Variants in ALPL observed in about 807,000 individuals in gnomAD.
The protein encoded by ALPL is alkaline phosphatase, tissue-nonspecific isozyme.
In ALPL, 42 loss-of-function variants were observed where a neutral mutation model predicts 51.3. That is an observed-to-expected ratio of 0.82 (90% CI 0.64 to 1.06). ALPL has a LOEUF of 1.06. ALPL is among the 50% of genes least tolerant of loss of function. The probability of loss-of-function intolerance (pLI) is 0.00; values close to 1 mark genes in which losing one functional copy is unlikely to be tolerated. For missense variants in ALPL, 589 were observed against 709.4 expected (o/e 0.83, Z 1.93); for synonymous variants, 279 against 296.4 (o/e 0.94, Z 0.60).
chr1:21,575,285 G>A (rs1644711302), intron 9 of ALPL, among the ~76,000 whole-genome samples: 1 of 136,388 alleles, frequency 7.3e-6, no homozygotes, highest in Non-Finnish European at 1.6e-5. Context: ...TCTGTAAACA[G>A]GACTGATCAT....
chr1:21,545,608 A>G (rs1644244896), intron 1 of ALPL, among the ~76,000 whole-genome samples: 1 of 151,754 alleles, frequency 6.6e-6, no homozygotes, highest in Admixed American at 6.6e-5. Context: ...ACCAAGTTTT[A>G]GCCAATCAAA....
chr1:21,547,978 G>T (rs1292787420), intron 1 of ALPL, among the ~76,000 whole-genome samples: 1 of 152,190 alleles, frequency 6.6e-6, no homozygotes, highest in Admixed American at 6.5e-5. Context: ...GCTAAGGCCT[G>T]CCTGGCTCCT....
At position 21,532,080 on chromosome 1, in the gene ALPL, A is replaced by G. The variant is rs528679128; in HGVS notation, c.-104-21898A>G. On this transcript the variant is annotated intron_variant, in intron 1 of 11. Transcript: ENST00000374840. ...GGGCAAGGAGCGTGTGGATTCCCCA[A>G]TCCCCTGTCCCACCACCAGCCAGAG... Among the ~76,000 whole-genome samples, 4 of 152,254 alleles carry G rather than the reference A, an allele frequency of 2.6e-5. No homozygotes were observed. The South Asian group carries it at 8.3e-4, about 32-fold the overall frequency.
At chr1:21,546,820 C>T (rs1217698504) in intron 1 of ALPL, among the ~76,000 whole-genome samples, 3 of 152,250 alleles carry the variant, frequency 2.0e-5, no homozygotes, top group African/African-American at 7.2e-5. Flanking sequence ...GGGCCTGGTA[C>T]ACAGTTGGTG....
chr1:21,543,529 A>T (rs1014902517), intron 1 of ALPL, among the ~76,000 whole-genome samples: 1 of 152,078 alleles, frequency 6.6e-6, no homozygotes, highest in African/African-American at 2.4e-5. Context: ...GGAGGTTGCC[A>T]TGAGCCGAGA....
Position 21,561,199 on chromosome 1 carries a change from T to G in ALPL, c.284T>G (p.Val95Gly). ...TRLEMDKFPF[V>G]ALSKTYNTNA... ...CTGGAGATGGACAAGTTCCCCTTCG[T>G]GGCCCTCTCCAAGGTGAGCCCCATC... The change falls in exon 4 of 12, where the codon GTG becomes GGG. Residue 95 changes from valine to glycine, a missense_variant. Transcript: ENST00000374840. 6.2e-7 allele frequency: 1 copy of G among 1,610,558 alleles called. No homozygotes were observed. The highest frequency in any genetic ancestry group is 8.5e-7 in the Non-Finnish European group (1 of 1,178,506).
rs143522916 is a variant in ALPL at position 21,514,996 on chromosome 1, C to T, written c.-105+5479C>T. On this transcript the variant is annotated intron_variant, in intron 1 of 11. Coordinates refer to ENST00000374840, the MANE Select transcript of ALPL (RefSeq NM_000478.6). ...GGAAGGTCATTTCTGGAAATAAGGC[C>T]GTGGAGACCCTGTAGTGAGGCCCTG... Among the ~76,000 whole-genome samples the T allele has an allele frequency of 1.2e-3, 185 of 152,116 alleles. 1 individual carries two copies. Among genetic ancestry groups the T allele is most frequent in the Admixed American group, 0.01 (155 of 15,270 alleles).
At chr1:21,577,264 C>T in intron 11 of ALPL, 119 bp from the exon 12 acceptor site, 1 of 1,525,930 alleles carries the variant, frequency 6.6e-7, no homozygotes, top group Non-Finnish European at 9.0e-7. Context: ...CATTGAGCCT[C>T]CTTTTCCTCT....
At chr1:21,527,015 G>GTTCTTTTCTT (rs57296888) in intron 1 of ALPL, among the ~76,000 whole-genome samples, 1,487 of 140,596 alleles carry the variant, frequency 0.011, 65 homozygotes, top group African/African-American at 0.034. Flanking sequence ...TGTTATTCTT[G>GTTCTTTTCTT]TTCTTTTCTT....
chr1:21,561,225 C>T lies in ALPL; in HGVS notation c.297+13C>T, dbSNP rs766156169. ...GGCCCTCTCCAAGGTGAGCCCCATCCCCAAGCCCAGTTCAGGTCTGTATAT... is the reference window on the plus strand; with the variant it reads ...GGCCCTCTCCAAGGTGAGCCCCATCTCCAAGCCCAGTTCAGGTCTGTATAT... On this transcript the variant is annotated intron_variant, in intron 4 of 11. Coordinates refer to ENST00000374840, the MANE Select transcript of ALPL (RefSeq NM_000478.6). 2 of 1,591,394 alleles carry T rather than the reference C, an allele frequency of 1.3e-6. No homozygotes were observed. The highest frequency in any genetic ancestry group is 1.7e-6 in the Non-Finnish European group (2 of 1,166,896).
intron 1 of ALPL, among the ~76,000 whole-genome samples, chr1:21,533,078 G>A (rs984187990): frequency 3.3e-5 from 5 of 152,182 alleles, no homozygotes; most frequent in African/African-American, 4.8e-5. Flanking sequence ...AGCACTTAAC[G>A]CTATGTATCA....
chr1:21,559,389 G>GT (rs1161212120), intron 2 of ALPL, among the ~76,000 whole-genome samples: 2 of 152,320 alleles, frequency 1.3e-5, no homozygotes, highest in Non-Finnish European at 2.9e-5. Flanking sequence ...TGGGTCAGGT[G>GT]TGTCACTTGC....
chr1:21,548,159 C>G (rs552812384), intron 1 of ALPL, among the ~76,000 whole-genome samples: 2 of 152,322 alleles, frequency 1.3e-5, no homozygotes, highest in Middle Eastern at 3.4e-3. Context: ...CCATTTTAAG[C>G]TGGCAGACAT....
intron 1 of ALPL, among the ~76,000 whole-genome samples, chr1:21,523,474 C>G (rs945952121): frequency 2.0e-5 from 3 of 152,182 alleles, no homozygotes; most frequent in African/African-American, 7.2e-5. Context: ...TACCTCTGCT[C>G]CAGGTTGGCC....
intron 10 of ALPL, 106 bp downstream of exon 10, chr1:21,576,030 CAA>C: frequency 7.5e-7 from 1 of 1,341,554 alleles, no homozygotes; most frequent in Non-Finnish European, 1.1e-6. Context: ...GGTGGGGACT[CAA>C]TGACAACTGG....
rs1256330 is a variant in ALPL, at chr1:21,568,568, T to A, written c.792+321T>A. Among the ~76,000 whole-genome samples, 17 of 151,878 alleles carry A rather than the reference T, an allele frequency of 1.1e-4. No homozygotes were observed. In the East Asian group the frequency reaches 3.3e-3, roughly 30 times the overall value. ...GCATGCGTGAGGCACAGAGGCTGAG[T>A]CAGATGGCCAAGGAAACATGGAATG... On this transcript the variant is annotated intron_variant, in intron 7 of 11. Transcript: ENST00000374840.
chr1:21,509,097 G>C (rs77354647), upstream of ALPL, among the ~76,000 whole-genome samples: 1 of 152,034 alleles, frequency 6.6e-6, no homozygotes, highest in Non-Finnish European at 1.5e-5. This position sits in a 1 kb window ranked among gnomAD's most constrained non-coding sequence, Gnocchi z 6.0. Context: ...AACAGGAGAC[G>C]CGCGCAAGGA....
intron 2 of ALPL, among the ~76,000 whole-genome samples, chr1:21,556,379 G>T (rs928172652): frequency 6.6e-6 from 1 of 152,148 alleles, no homozygotes; most frequent in East Asian, 1.9e-4. Flanking sequence ...GGTGGCTCAC[G>T]CCTGTAATCC....
At chr1:21,527,594 G>A (rs1278034695) in intron 1 of ALPL, among the ~76,000 whole-genome samples, 1 of 148,882 alleles carries the variant, frequency 6.7e-6, no homozygotes, top group Non-Finnish European at 1.5e-5. Flanking sequence ...CTGTTGCTCA[G>A]GCTCAAGTGT....
Sources: allele counts gnomAD v4.1 joint callset (sites outside exome capture counted in the v4.1 genomes callset), GRCh38; gene constraint gnomAD v4.1.1; non-coding constraint Gnocchi (gnomAD v3.1); transcripts MANE v1.5; gene names NCBI Gene and HGNC (gene_info 2026-07-23, HGNC 2026-07-21).